TENM2: variants seen among roughly 807,000 people sequenced by gnomAD.
The protein encoded by TENM2 is teneurin transmembrane protein 2.
In TENM2, 52 loss-of-function variants were observed where a neutral mutation model predicts 245.2. The ratio of observed to expected loss-of-function variants is 0.21; its 90% CI spans 0.17 to 0.27. The LOEUF (loss-of-function observed/expected upper bound fraction) is 0.27, where lower values mean the gene tolerates loss of function less well. TENM2 is among the 10% of genes least tolerant of loss of function. TENM2 has a pLI of 1.00. For synonymous variants in TENM2, 1,363 were observed against 1,438.9 expected, an observed-to-expected ratio of 0.95 and a Z score of 1.19; for missense variants, 3,046 against 3,666.8, an observed-to-expected ratio of 0.83 and a Z score of 4.37.
intron 2 of TENM2, among the ~76,000 whole-genome samples, chr5:167,537,849 A>G (rs1233756560): frequency 6.6e-6 from 1 of 152,258 alleles, no homozygotes; most frequent in Non-Finnish European, 1.5e-5. Flanking sequence ...ATGCCTGTAG[A>G]TACCAGCCAA....
chr5:168,177,087 G>T (rs1478629350), intron 13 of TENM2, among the ~76,000 whole-genome samples: 1 of 152,168 alleles, frequency 6.6e-6, no homozygotes, highest in Non-Finnish European at 1.5e-5. Flanking sequence ...GCTGCAGATT[G>T]TTCTTGGGTG....
chr5:167,362,971 A>C (rs1055155630), intron 1 of TENM2, among the ~76,000 whole-genome samples: 13 of 152,122 alleles, frequency 8.5e-5, no homozygotes, highest in Non-Finnish European at 1.9e-4. Context: ...ATTGCATGTG[A>C]CCACAAGATG....
In TENM2 at chr5:168,247,860, G is replaced by C. The variant is rs1766736254; in HGVS notation, c.6921G>C (p.Arg2307=). 1 of 1,614,020 alleles carries C rather than the reference G, an allele frequency of 6.2e-7. No individual in the cohort carries two copies. The highest frequency in any genetic ancestry group is 1.3e-5 in the African/African-American group (1 of 75,054). ...AGTACCGCTATGATGGCGTAGGACG[G>C]CGGGCTTCCTACAAGACCAACCTGG... Residue 2307 remains arginine (R), a synonymous_variant, in exon 27 of 29, where the codon CGG becomes CGC. Transcript: ENST00000518659. The surrounding 1 kb of genome is among the most constrained non-coding windows in gnomAD (Gnocchi z 7.8).
the TENM2 span, among the ~76,000 whole-genome samples, chr5:167,129,251 C>G: frequency 2.6e-5 from 4 of 152,240 alleles, no homozygotes; most frequent in East Asian, 7.7e-4. Flanking sequence ...GCCGGGCAGA[C>G]TGGTCTGGGA....
chr5:167,450,795 G>T (rs773182337), intron 2 of TENM2, among the ~76,000 whole-genome samples: 4 of 152,002 alleles, frequency 2.6e-5, no homozygotes, highest in Non-Finnish European at 5.9e-5. Flanking sequence ...TAGTTTTCAT[G>T]ACTTTCACTC....
At chr5:167,911,621 A>G (rs1042548274) in intron 3 of TENM2, among the ~76,000 whole-genome samples, 1 of 152,244 alleles carries the variant, frequency 6.6e-6, no homozygotes, top group Non-Finnish European at 1.5e-5. Context: ...CATTGGAACT[A>G]CAACTGGAGT....
intron 2 of TENM2, among the ~76,000 whole-genome samples, chr5:167,768,171 C>G (rs1333301135): frequency 3.3e-5 from 5 of 152,108 alleles, no homozygotes; most frequent in African/African-American, 1.2e-4. Flanking sequence ...AGCTAAATAA[C>G]CCTCAATATG....
At chr5:167,151,477 A>C in the TENM2 span, among the ~76,000 whole-genome samples, 1 of 152,120 alleles carries the variant, frequency 6.6e-6, no homozygotes, top group South Asian at 2.1e-4. Flanking sequence ...AAACGCAAAA[A>C]CCTAAATATT....
chr5:167,479,547 T>C (rs1448600987), intron 2 of TENM2, among the ~76,000 whole-genome samples: 1 of 152,182 alleles, frequency 6.6e-6, no homozygotes, highest in Non-Finnish European at 1.5e-5. Context: ...GAATAAGGAA[T>C]TTAGGATTTA....
At chr5:168,225,588 C>CCAT (rs1289555764) in intron 23 of TENM2, among the ~76,000 whole-genome samples, 12 of 152,046 alleles carry the variant, frequency 7.9e-5, no homozygotes, top group Non-Finnish European at 1.2e-4. Context: ...TGGCAAAACC[C>CCAT]CATCTCTACA....
intron 2 of TENM2, among the ~76,000 whole-genome samples, chr5:167,842,985 T>C (rs1372250022): frequency 6.6e-6 from 1 of 152,174 alleles, no homozygotes; most frequent in Non-Finnish European, 1.5e-5. Context: ...GCCTCCTACA[T>C]AGCACTTACC....
At chr5:167,978,744 C>G (rs1166572832) in intron 4 of TENM2, among the ~76,000 whole-genome samples, 2 of 152,088 alleles carry the variant, frequency 1.3e-5, no homozygotes, top group African/African-American at 2.4e-5. Context: ...CGTGAATGCT[C>G]TAAATGCCAC....
At chr5:167,480,409 C>T (rs1288236870) in intron 2 of TENM2, among the ~76,000 whole-genome samples, 2 of 152,180 alleles carry the variant, frequency 1.3e-5, no homozygotes, top group Non-Finnish European at 2.9e-5. Context: ...AAATTTCCAT[C>T]TCATAAGGAG....
At chr5:167,844,985 G>A (rs922787698) in intron 2 of TENM2, among the ~76,000 whole-genome samples, 1 of 151,780 alleles carries the variant, frequency 6.6e-6, no homozygotes, top group East Asian at 1.9e-4. Flanking sequence ...GTGAATGTCT[G>A]TTATCACCCA....
intron 2 of TENM2, among the ~76,000 whole-genome samples, chr5:167,385,560 G>C (rs1412101448): frequency 1.3e-5 from 2 of 149,684 alleles, no homozygotes; most frequent in African/African-American, 4.9e-5. Context: ...TTGGTTACAT[G>C]AGTGAGTTCT....
At chr5:167,599,815 G>A (rs1165436322) in intron 2 of TENM2, among the ~76,000 whole-genome samples, 2 of 152,036 alleles carry the variant, frequency 1.3e-5, no homozygotes, top group Non-Finnish European at 2.9e-5. Flanking sequence ...GATGACTTGT[G>A]GAGTATAAAA....
intron 2 of TENM2, among the ~76,000 whole-genome samples, chr5:167,677,756 G>A (rs1307129189): frequency 6.7e-6 from 1 of 148,904 alleles, no homozygotes; most frequent in Admixed American, 6.7e-5. Context: ...ATTTATATAT[G>A]ATAATTACAG....
At chr5:167,016,618 G>T in the TENM2 span, among the ~76,000 whole-genome samples, 1 of 152,188 alleles carries the variant, frequency 6.6e-6, no homozygotes, top group African/African-American at 2.4e-5. Flanking sequence ...CCTTAAAAAA[G>T]AAGGAAATTC....
At chr5:167,885,363 A>G (rs1774201362) in intron 3 of TENM2, among the ~76,000 whole-genome samples, 1 of 152,190 alleles carries the variant, frequency 6.6e-6, no homozygotes, top group Admixed American at 6.5e-5. Context: ...ATTTTTACAA[A>G]TGGTAATTCA....
Sources: allele counts gnomAD v4.1 joint callset (sites outside exome capture counted in the v4.1 genomes callset), GRCh38; gene constraint gnomAD v4.1.1; non-coding constraint Gnocchi (gnomAD v3.1); transcripts MANE v1.5; gene names NCBI Gene and HGNC (gene_info 2026-07-23, HGNC 2026-07-21).